Variants in STAT5B observed in about 807,000 individuals in gnomAD.
STAT5B encodes the protein transcription factor STAT5B.
A neutral mutation model predicts 107.8 loss-of-function variants in STAT5B; 21 were observed. The ratio of observed to expected loss-of-function variants is 0.19; its 90% CI spans 0.14 to 0.28. The LOEUF (loss-of-function observed/expected upper bound fraction) is 0.28, where lower values mean the gene tolerates loss of function less well. Among genes scored for constraint, STAT5B ranks in the 10% least tolerant of loss-of-function variants. The pLI is 1.00. For synonymous variants in STAT5B, 325 were observed against 401.7 expected, an observed-to-expected ratio of 0.81 and a Z score of 2.28; for missense variants, 565 against 1,008.2, an observed-to-expected ratio of 0.56 and a Z score of 5.95.
rs1244158723 is a variant in STAT5B at position 42,218,959 on chromosome 17, C to T, written c.834-81G>A. 3 of 1,610,672 alleles carry T rather than the reference C, an allele frequency of 1.9e-6. 1 individual carries two copies. On this transcript the variant is annotated intron_variant, in intron 7 of 18. Coordinates refer to ENST00000293328, the MANE Select transcript of STAT5B (RefSeq NM_012448.4). ...AGGCCCCAAGACACAGCTCCCGTTC[C>T]CCCAGGAAGGCTCTGTGCTTTCGCC... is the stretch of plus-strand genomic sequence containing the variant.
intron 1 of STAT5B, among the ~76,000 whole-genome samples, chr17:42,246,662 C>T (rs2080454244): frequency 6.6e-6 from 1 of 152,134 alleles, no homozygotes; most frequent in Non-Finnish European, 1.5e-5. Flanking sequence ...GGCATGGTGA[C>T]TCACTTCTGC....
At chr17:42,215,897 C>T (rs1421166255) in intron 12 of STAT5B, 117 bp downstream of exon 12, 6 of 1,176,326 alleles carry the variant, frequency 5.1e-6, no homozygotes, top group Middle Eastern at 1.9e-4. Flanking sequence ...GCTGGGATTA[C>T]AAGTGTGAGT....
At chr17:42,212,584 C>T (rs991926619) in intron 12 of STAT5B, among the ~76,000 whole-genome samples, 4 of 152,306 alleles carry the variant, frequency 2.6e-5, no homozygotes, top group Non-Finnish European at 4.4e-5. Flanking sequence ...TGTGTGCACA[C>T]GTGTCGGCAT....
chr17:42,254,717 A>C (rs1053186419), intron 1 of STAT5B, among the ~76,000 whole-genome samples: 1 of 152,110 alleles, frequency 6.6e-6, no homozygotes, highest in African/African-American at 2.4e-5. Flanking sequence ...AAAGAGAGAG[A>C]GGGAAGGACA....
chr17:42,265,389 T>TTTTTTTTTTTTTTTAA (rs2080660859), intron 1 of STAT5B, among the ~76,000 whole-genome samples: 1 of 149,376 alleles, frequency 6.7e-6, no homozygotes, highest in African/African-American at 2.5e-5. Context: ...TTTTTTTTTT[T>TTTTTTTTTTTTTTTAA]GAGACGAAGT....
intron 1 of STAT5B, among the ~76,000 whole-genome samples, chr17:42,264,519 C>T (rs2080649961): frequency 6.6e-6 from 1 of 151,750 alleles, no homozygotes. Flanking sequence ...CATCCATGTC[C>T]CTACAAAGGA....
At chr17:42,250,870 G>A (rs1388988072) in intron 1 of STAT5B, among the ~76,000 whole-genome samples, 1 of 150,702 alleles carries the variant, frequency 6.6e-6, no homozygotes, top group East Asian at 1.9e-4. Context: ...GATGCAGTGA[G>A]TGGAGATCAT....
At chr17:42,255,747 C>T (rs1341775893) in intron 1 of STAT5B, among the ~76,000 whole-genome samples, 1 of 152,180 alleles carries the variant, frequency 6.6e-6, no homozygotes, top group African/African-American at 2.4e-5. Flanking sequence ...CAGGTGCTGA[C>T]GGTCACACAA....
chr17:42,244,799 T>C (rs950059021), intron 1 of STAT5B, among the ~76,000 whole-genome samples: 1 of 152,202 alleles, frequency 6.6e-6, no homozygotes, highest in Admixed American at 6.5e-5. Flanking sequence ...ATGATTAGAC[T>C]ATAATGTATT....
rs534526801 is a variant in STAT5B at position 42,201,936 on chromosome 17, A to G, written c.2238-72T>C. The G allele has an allele frequency of 2.0e-3, 2,978 of 1,486,802 alleles. 8 individuals are homozygous for G. The highest frequency in any genetic ancestry group is 2.5e-3 in the Non-Finnish European group (2,650 of 1,074,526). 92.1% of individuals were successfully genotyped at this position (1,486,802 alleles called of 1,614,324 possible). On this transcript the variant is annotated intron_variant, in intron 18 of 18. Transcript: ENST00000293328. ...GAGACCACCCCAAGCCCCACAGGCC[A>G]CCAGGGGAGCAGTCTGAGCCAGCCT...
intron 1 of STAT5B, among the ~76,000 whole-genome samples, chr17:42,247,284 C>T (rs1021329893): frequency 6.6e-5 from 10 of 152,162 alleles, no homozygotes; most frequent in African/African-American, 1.9e-4. Flanking sequence ...ACCTATCCAC[C>T]GAACCAAAAC....
chr17:42,245,206 T>C (rs1472615034), intron 1 of STAT5B, among the ~76,000 whole-genome samples: 1 of 150,094 alleles, frequency 6.7e-6, no homozygotes, highest in Admixed American at 6.7e-5. Flanking sequence ...GCCTCCCGAA[T>C]AGCTGGGACT....
chr17:42,230,519 C>G (rs1314250730), intron 2 of STAT5B, among the ~76,000 whole-genome samples: 4 of 152,088 alleles, frequency 2.6e-5, no homozygotes, highest in Non-Finnish European at 4.4e-5. Flanking sequence ...CTGCACTGTA[C>G]TAATTCTAAA....
the STAT5B span, among the ~76,000 whole-genome samples, chr17:42,286,255 A>AC: frequency 2.0e-5 from 3 of 149,994 alleles, no homozygotes; most frequent in South Asian, 2.1e-4. Context: ...AAAAAAAAAA[A>AC]CCCAGAAGGG....
intron 1 of STAT5B, among the ~76,000 whole-genome samples, chr17:42,273,092 C>A (rs1297345567): frequency 6.6e-6 from 1 of 152,112 alleles, no homozygotes; most frequent in East Asian, 1.9e-4. Context: ...AAGTATTTAT[C>A]ACTCTGATGC....
chr17:42,222,261 T>C lies in STAT5B; in HGVS notation c.550+1121A>G, dbSNP rs1055966577. On this transcript the variant is annotated intron_variant, in intron 5 of 18. Transcript: ENST00000293328. Reference sequence around the variant, plus strand: ...AGCCAAGGCTTCTCTGAGACTGAGCTGGGCATGGAAGCAGAGAGGAAACTA... The same window carrying C: ...AGCCAAGGCTTCTCTGAGACTGAGCCGGGCATGGAAGCAGAGAGGAAACTA... 3.3e-5 allele frequency among the ~76,000 whole-genome samples: 5 copies of C among 151,990 alleles called. No individual in the cohort carries two copies. In the East Asian group the frequency reaches 9.6e-4, roughly 29 times the overall value.
At chr17:42,220,234 C>T (rs545590474) in intron 5 of STAT5B, among the ~76,000 whole-genome samples, 1 of 152,342 alleles carries the variant, frequency 6.6e-6, no homozygotes, top group African/African-American at 2.4e-5. Flanking sequence ...AAATCGCTTT[C>T]CTTTCCTGTG....
intron 1 of STAT5B, among the ~76,000 whole-genome samples, chr17:42,237,833 G>C (rs2080368724): frequency 1.3e-5 from 2 of 152,154 alleles, no homozygotes; most frequent in Admixed American, 6.5e-5. Context: ...TGTACAATGG[G>C]AATAATAATA....
intron 11 of STAT5B, among the ~76,000 whole-genome samples, 155 bp from the exon 12 acceptor site, chr17:42,216,261 TGA>T (rs2080171217): frequency 6.6e-6 from 1 of 152,084 alleles, no homozygotes; most frequent in African/African-American, 2.4e-5. Flanking sequence ...AGGAATAATA[TGA>T]CTTTTCATAC....
Sources: gnomAD v4.1 joint callset for allele counts (sites outside exome capture counted in the v4.1 genomes callset) on GRCh38, gnomAD v4.1.1 for gene constraint, MANE v1.5 for transcripts, NCBI Gene and HGNC (gene_info 2026-07-23, HGNC 2026-07-21) for gene names.